PIK3R3: variants seen among roughly 807,000 people sequenced by gnomAD.
The protein encoded by PIK3R3 is phosphoinositide-3-kinase regulatory subunit 3.
Under a neutral mutation model 62.9 loss-of-function variants are expected in PIK3R3, and 64 were observed. The ratio of observed to expected loss-of-function variants is 1.02; its 90% CI spans 0.83 to 1.25. PIK3R3 has a LOEUF of 1.25. PIK3R3 is among the 50% of genes most tolerant of loss of function. PIK3R3 has a pLI of 0.00. For synonymous variants in PIK3R3, 165 were observed against 189.0 expected (o/e 0.87, Z 1.04); for missense variants, 614 against 561.6 (o/e 1.09, Z -0.94).
chr1:46,136,215 G>T (rs1217811287), upstream of PIK3R3, among the ~76,000 whole-genome samples: 4 of 151,960 alleles, frequency 2.6e-5, no homozygotes, highest in African/African-American at 9.7e-5. Flanking sequence ...CCCAGTCCAT[G>T]CAATTAAATA....
the PIK3R3 span, chr1:46,139,036 A>G: frequency 6.6e-6 from 1 of 152,222 alleles, no homozygotes. Flanking sequence ...AAAGCAATAT[A>G]TTTTCAAATA....
intron 8 of PIK3R3, among the ~76,000 whole-genome samples, 163 bp downstream of exon 8, chr1:46,046,388 G>A (rs1647116590): frequency 6.6e-6 from 1 of 152,088 alleles, no homozygotes; most frequent in Non-Finnish European, 1.5e-5. Flanking sequence ...GAACTCCAGT[G>A]CCTATAGGGT....
In PIK3R3 at chr1:46,131,969, G is replaced by C; in HGVS notation, c.-17C>G. On this transcript the variant is annotated 5_prime_UTR_variant, in exon 1 of 10. Coordinates refer to ENST00000262741, the MANE Select transcript of PIK3R3 (RefSeq NM_003629.4). ...ATTGTACATCGCGCTGTCAGGGGCA[G>C]GTCGCCAGGAGATATATAGAAGGCA... 1 of 1,612,644 alleles carries C rather than the reference G, an allele frequency of 6.2e-7. No homozygotes were observed. Among genetic ancestry groups the C allele is most frequent in the South Asian group, 1.1e-5 (1 of 90,738 alleles).
intron 2 of PIK3R3, among the ~76,000 whole-genome samples, chr1:46,080,374 C>A (rs902362107): frequency 1.3e-5 from 2 of 151,640 alleles, no homozygotes; most frequent in African/African-American, 4.9e-5. Flanking sequence ...AAATGGTAAT[C>A]TTTAAATAAC....
At chr1:46,138,909 A>G in the PIK3R3 span, 1 of 152,224 alleles carries the variant, frequency 6.6e-6, no homozygotes, top group Non-Finnish European at 1.5e-5. Flanking sequence ...CACTTCTTGG[A>G]AAGGAGACAT....
intron 7 of PIK3R3, among the ~76,000 whole-genome samples, chr1:46,051,419 CCTGA>C (rs1647335939): frequency 6.6e-6 from 1 of 152,050 alleles, no homozygotes; most frequent in African/African-American, 2.4e-5. Context: ...CGCCACCATG[CCTGA>C]CTAATTTTTG....
chr1:46,045,979 G>T lies in PIK3R3; in HGVS notation c.1126C>A (p.Pro376Thr). 6.2e-7 allele frequency: 1 copy of T among 1,613,424 alleles called. No homozygotes were observed. The highest frequency in any genetic ancestry group is 8.5e-7 in the Non-Finnish European group (1 of 1,179,728). The change falls in exon 9 of 10, where the codon CCT becomes ACT. Residue 376 changes from proline to threonine, a missense_variant. Physicochemically the swap from Pro to Thr is conservative, Grantham distance 38. Transcript: ENST00000262741. ...TCACGAATTAAGAATGCACCATCAGGTTTCCCATAAAGCAAGTCCTCTGCT... is the reference window on the plus strand; with the variant it reads ...TCACGAATTAAGAATGCACCATCAGTTTTCCCATAAAGCAAGTCCTCTGCT... ...VQAEDLLYGK[P>T]DGAFLIRESS...
At chr1:46,071,730 T>TAGAGAGAGAGAGAGAGAGAGAGAGAG (rs140765040) in intron 3 of PIK3R3, among the ~76,000 whole-genome samples, 8 of 59,064 alleles carry the variant, frequency 1.4e-4, no homozygotes, top group African/African-American at 6.3e-4. Flanking sequence ...TATATATATA[T>TAGAGAGAGAGAGAGAGAGAGAGAGAG]AGAGAGAGAG....
intron 1 of PIK3R3, among the ~76,000 whole-genome samples, chr1:46,098,089 A>C (rs1334537559): frequency 6.6e-6 from 1 of 152,194 alleles, no homozygotes; most frequent in East Asian, 1.9e-4. Flanking sequence ...GAGTATTTCT[A>C]CACACTAGCA....
At chr1:46,132,922 G>A, upstream of PIK3R3, 1 of 1,167,316 alleles carries the variant, frequency 8.6e-7, no homozygotes, top group Non-Finnish European at 1.1e-6. Flanking sequence ...AGAATGGTAC[G>A]ATCCGGGCGC....
intron 1 of PIK3R3, among the ~76,000 whole-genome samples, chr1:46,089,783 AAT>A (rs1294615641): frequency 6.6e-6 from 1 of 152,140 alleles, no homozygotes; most frequent in Non-Finnish European, 1.5e-5. Context: ...ACTGTACAGT[AAT>A]AATAGTGTAA....
the PIK3R3 span, among the ~76,000 whole-genome samples, chr1:46,166,138 A>G: frequency 1.3e-5 from 2 of 151,954 alleles, no homozygotes; most frequent in Non-Finnish European, 2.9e-5. Flanking sequence ...CAATTTGGTG[A>G]ACACACTTCA....
intron 1 of PIK3R3, chr1:46,104,986 G>T: frequency 2.9e-6 from 2 of 697,938 alleles, no homozygotes; most frequent in South Asian, 1.4e-5. Context: ...AAAGCATTCT[G>T]CAAACAATCG....
the PIK3R3 span, among the ~76,000 whole-genome samples, chr1:46,154,864 G>C: frequency 6.6e-6 from 1 of 152,118 alleles, no homozygotes; most frequent in Admixed American, 6.5e-5. Flanking sequence ...TCAGGTCTCA[G>C]CTCAAATTTC....
intron 7 of PIK3R3, among the ~76,000 whole-genome samples, chr1:46,052,012 C>G (rs1647398781): frequency 6.6e-6 from 1 of 152,122 alleles, no homozygotes; most frequent in African/African-American, 2.4e-5. Flanking sequence ...GTGGCAGGCG[C>G]CTGTAGTCCC....
intron 2 of PIK3R3, among the ~76,000 whole-genome samples, chr1:46,078,449 G>C (rs983651666): frequency 3.3e-5 from 5 of 152,206 alleles, no homozygotes; most frequent in African/African-American, 1.2e-4. Context: ...GGCTGAGACA[G>C]GGGAATCACT....
chr1:46,113,583 C>T (rs570089770), intron 1 of PIK3R3, among the ~76,000 whole-genome samples: 48 of 152,240 alleles, frequency 3.2e-4, no homozygotes, highest in African/African-American at 1.0e-3. Flanking sequence ...AGCCACCATG[C>T]GCAGGCCACG....
chr1:46,154,387 G>C, the PIK3R3 span, among the ~76,000 whole-genome samples: 2 of 152,014 alleles, frequency 1.3e-5, no homozygotes, highest in Admixed American at 1.3e-4. Flanking sequence ...TAGCAACACA[G>C]CGAGACCCCA....
At chr1:46,163,390 A>C in the PIK3R3 span, among the ~76,000 whole-genome samples, 9 of 152,352 alleles carry the variant, frequency 5.9e-5, no homozygotes, top group Non-Finnish European at 7.3e-5. Context: ...CCAATGCCAG[A>C]GACTGAGGTA....
Sources: allele counts gnomAD v4.1 joint callset (sites outside exome capture counted in the v4.1 genomes callset), GRCh38; gene constraint gnomAD v4.1.1; transcripts MANE v1.5; gene names NCBI Gene and HGNC (gene_info 2026-07-23, HGNC 2026-07-21).